Variants in UBE2W observed in about 807,000 individuals in gnomAD.
UBE2W encodes ubiquitin-conjugating enzyme E2 W.
UBE2W carries 18 observed loss-of-function variants against 27.2 expected under a neutral mutation model. That is an observed-to-expected ratio of 0.66 (90% CI 0.46 to 0.98). UBE2W has a LOEUF of 0.98. Ranked by LOEUF, UBE2W falls within the 50% of genes least tolerant of loss-of-function variation. The pLI is 0.00. For missense variants in UBE2W, 90 were observed against 180.2 expected, an observed-to-expected ratio of 0.50 and a Z score of 2.87; for synonymous variants, 53 against 57.2, an observed-to-expected ratio of 0.93 and a Z score of 0.33.
intron 3 of UBE2W, among the ~76,000 whole-genome samples, chr8:73,822,558 T>C (rs1256104962): frequency 1.4e-5 from 2 of 139,204 alleles, no homozygotes; most frequent in Non-Finnish European, 3.0e-5. Context: ...GTCCCCTCCC[T>C]TTGTATGGGA....
At chr8:73,802,839 C>T (rs552356762) in intron 5 of UBE2W, among the ~76,000 whole-genome samples, 4 of 152,184 alleles carry the variant, frequency 2.6e-5, no homozygotes, top group African/African-American at 9.6e-5. Context: ...CTGGCTAACA[C>T]AGTGAAACCC....
intron 1 of UBE2W, among the ~76,000 whole-genome samples, chr8:73,849,165 CAATA>C (rs917106365): frequency 1.3e-5 from 2 of 151,888 alleles, no homozygotes; most frequent in Non-Finnish European, 1.5e-5. Flanking sequence ...TAAAAGTTTT[CAATA>C]AAAAATAACA....
At chr8:73,805,850 C>A (rs1808880895) in intron 4 of UBE2W, 124 bp from the exon 5 acceptor site, 1 of 493,692 alleles carries the variant, frequency 2.0e-6, no homozygotes, top group Non-Finnish European at 3.6e-6. Context: ...AATAGTATAT[C>A]TAAAAGAATA....
At chr8:73,855,890 T>C (rs927381862) in intron 1 of UBE2W, among the ~76,000 whole-genome samples, 6 of 152,162 alleles carry the variant, frequency 3.9e-5, no homozygotes, top group African/African-American at 1.4e-4. Flanking sequence ...GAACCTAGGT[T>C]ATTCTACTCA....
chr8:73,830,280 A>C, intron 2 of UBE2W, 101 bp downstream of exon 2: 1 of 824,594 alleles, frequency 1.2e-6, no homozygotes, highest in Non-Finnish European at 2.0e-6. Flanking sequence ...TCTTGGTGAA[A>C]GAATGAAATG....
Position 73,791,949 on chromosome 8 carries a change from T to C in UBE2W, c.*2153A>G. On this transcript the variant is annotated 3_prime_UTR_variant, in exon 6 of 6. Transcript: ENST00000602593. Reference sequence around the variant, plus strand: ...CCTATTACTCTATAGTATAGCATTGTTAATCTTTGACTCAGTATATTAATT... The same window carrying C: ...CCTATTACTCTATAGTATAGCATTGCTAATCTTTGACTCAGTATATTAATT... The C allele has an allele frequency of 1.0e-6, 1 of 985,262 alleles. No homozygotes were observed. The highest frequency in any genetic ancestry group is 1.2e-6 in the Non-Finnish European group (1 of 829,762). 61.0% of individuals were successfully genotyped at this position (985,262 alleles called of 1,614,324 possible). A position where few individuals can be genotyped will look rare whatever the true frequency, so the allele number is the denominator to read the frequency against.
rs913385063 is a variant in UBE2W at position 73,793,489 on chromosome 8, T to C, written c.*613A>G. 27 of 985,658 alleles carry C rather than the reference T, an allele frequency of 2.7e-5. No individual in the cohort carries two copies. Among genetic ancestry groups the C allele is most frequent in the African/African-American group, 1.2e-4 (7 of 57,366 alleles). The allele number at this position is 985,658 out of a possible 1,614,324, so 61.1% of individuals were successfully genotyped here. On this transcript the variant is annotated 3_prime_UTR_variant, in exon 6 of 6. Transcript: ENST00000602593. ...CATGTCAAAACAACTTGACAGTAGATATAAACAATTCAATAAATATGCAAT... is the reference window on the plus strand; with the variant it reads ...CATGTCAAAACAACTTGACAGTAGACATAAACAATTCAATAAATATGCAAT...
At chr8:73,839,347 T>TAAAAAAAA (rs34467910) in intron 1 of UBE2W, among the ~76,000 whole-genome samples, 1 of 131,710 alleles carries the variant, frequency 7.6e-6, no homozygotes. Flanking sequence ...TGCTCCTAGT[T>TAAAAAAAA]AAAAAAAAAA....
chr8:73,864,205 C>A (rs1811648839), intron 1 of UBE2W, among the ~76,000 whole-genome samples: 1 of 152,118 alleles, frequency 6.6e-6, no homozygotes, highest in Non-Finnish European at 1.5e-5. Context: ...ACCAGCGTGG[C>A]CAACATGGCG....
intron 1 of UBE2W, among the ~76,000 whole-genome samples, chr8:73,864,099 TAAATC>T (rs1409914155): frequency 2.0e-5 from 3 of 152,072 alleles, no homozygotes; most frequent in Non-Finnish European, 4.4e-5. Context: ...TACTGAAACT[TAAATC>T]AAAATACAGC....
chr8:73,792,305 GTA>G lies in UBE2W; in HGVS notation c.*1795_*1796del. 3.0e-6 allele frequency: 3 copies of G among 984,828 alleles called. No homozygotes were observed. Among genetic ancestry groups the G allele is most frequent in the Non-Finnish European group, 3.6e-6 (3 of 829,606 alleles). The allele number at this position is 984,828 out of a possible 1,614,324, so 61.0% of individuals were successfully genotyped here. A position where few individuals can be genotyped will look rare whatever the true frequency, so the allele number is the denominator to read the frequency against. ...TAAAAGTGGTAATTGTTAACTAGCA[GTA>G]TATAAACAGTGTCCACAATTTGGTG... On this transcript the variant is annotated 3_prime_UTR_variant, in exon 6 of 6. Coordinates refer to ENST00000602593, the MANE Select transcript of UBE2W (RefSeq NM_018299.6).
In UBE2W at chr8:73,805,988, A is replaced by G. The variant is rs139827901; in HGVS notation, c.367-262T>C. Among the ~76,000 whole-genome samples, 165 of 152,046 alleles carry G rather than the reference A, an allele frequency of 1.1e-3. 4 individuals are homozygous for G. The East Asian group carries it at 0.025, about 23-fold the overall frequency. The stretch of plus-strand genomic sequence containing the variant: ...GCCAACATGGTGAAACCCAGTCTCT[A>G]CTAAAAATACAAAAAAATTAGCTGG... On this transcript the variant is annotated intron_variant, in intron 4 of 5. Coordinates refer to ENST00000602593, the MANE Select transcript of UBE2W (RefSeq NM_018299.6).
chr8:73,790,093 T>C lies in UBE2W; in HGVS notation c.*4009A>G. The C allele has an allele frequency of 5.1e-6, 5 of 984,946 alleles. No homozygotes were observed. Among genetic ancestry groups the C allele is most frequent in the Non-Finnish European group, 6.0e-6 (5 of 829,594 alleles). 61.0% of individuals were successfully genotyped at this position (984,946 alleles called of 1,614,324 possible). On this transcript the variant is annotated 3_prime_UTR_variant, in exon 6 of 6. Transcript: ENST00000602593. ...ACTGAAATTAGTATCAGAAACTCCA[T>C]GTATTTTATTTGTAGGAGAGCATTT... is the stretch of plus-strand genomic sequence containing the variant.
At position 73,786,874 on chromosome 8, in the gene UBE2W, AC is replaced by A. The variant is rs1807978482; in HGVS notation, c.*7227del. 1 of 985,406 alleles carries A rather than the reference AC, an allele frequency of 1.0e-6. No homozygotes were observed. The highest frequency in any genetic ancestry group is 1.2e-6 in the Non-Finnish European group (1 of 829,870). 61.0% of individuals were successfully genotyped at this position (985,406 alleles called of 1,614,324 possible). A position where few individuals can be genotyped will look rare whatever the true frequency, so the allele number is the denominator to read the frequency against. On this transcript the variant is annotated 3_prime_UTR_variant, in exon 6 of 6. Coordinates refer to ENST00000602593, the MANE Select transcript of UBE2W (RefSeq NM_018299.6). ...TGGATGGGAATGTCATTAAATTATA[AC>A]AGGATAAAAGAAATATGTTTTCATT...
chr8:73,832,288 G>A (rs901670352), intron 1 of UBE2W, among the ~76,000 whole-genome samples: 5 of 151,942 alleles, frequency 3.3e-5, no homozygotes, highest in African/African-American at 1.2e-4. Flanking sequence ...GTTACAGAGT[G>A]AGATTCTGTC....
At chr8:73,826,626 T>A (rs533368511) in intron 2 of UBE2W, among the ~76,000 whole-genome samples, 1 of 152,166 alleles carries the variant, frequency 6.6e-6, no homozygotes, top group South Asian at 2.1e-4. Context: ...CTGAGTACCA[T>A]ACATGGTAAT....
In UBE2W at chr8:73,869,461, C is replaced by A. The variant is rs1291485339; in HGVS notation, c.15+9347G>T. ...ATCCCAGCACTTTAAGAGGCCAAGA[C>A]AGGTGGATCTCTTGAGGTCAGAAGT... On this transcript the variant is annotated intron_variant, in intron 1 of 5. Transcript: ENST00000602593. Among the ~76,000 whole-genome samples, 3 of 152,150 alleles carry A rather than the reference C, an allele frequency of 2.0e-5. No homozygotes were observed. In the East Asian group the frequency reaches 5.8e-4, roughly 29 times the overall value.
chr8:73,831,465 G>A (rs1022587220), intron 1 of UBE2W: 3 of 155,634 alleles, frequency 1.9e-5, no homozygotes, highest in African/African-American at 7.2e-5. Flanking sequence ...CACATCCTCT[G>A]ATGTTCCAGG....
intron 1 of UBE2W, among the ~76,000 whole-genome samples, chr8:73,877,381 A>T (rs996986612): frequency 3.3e-5 from 5 of 152,170 alleles, no homozygotes; most frequent in Admixed American, 1.3e-4. Flanking sequence ...ATATCTCTTC[A>T]ACTAGAAATG....
Sources: gnomAD v4.1 joint callset for allele counts (sites outside exome capture counted in the v4.1 genomes callset) on GRCh38, gnomAD v4.1.1 for gene constraint, MANE v1.5 for transcripts, NCBI Gene and HGNC (gene_info 2026-07-23, HGNC 2026-07-21) for gene names.